The following MAP4 variants were observed in gnomAD, a reference collection of about 807,000 sequenced individuals.
MAP4 encodes the protein microtubule-associated protein 4.
MAP4 carries 76 observed loss-of-function variants against 170.2 expected under a neutral mutation model. The ratio of observed to expected loss-of-function variants is 0.45; its 90% CI spans 0.37 to 0.54. The LOEUF (loss-of-function observed/expected upper bound fraction) is 0.54, where lower values mean the gene tolerates loss of function less well. MAP4 is among the 20% of genes least tolerant of loss of function. MAP4 has a pLI of 0.00. For synonymous variants in MAP4, 909 were observed against 994.5 expected (o/e 0.91, Z 1.62); for missense variants, 2,506 against 2,748.0 (o/e 0.91, Z 1.97).
Position 47,910,272 on chromosome 3 carries a change from AT to A in MAP4, c.4148del (p.Asn1383IlefsTer3), listed in dbSNP as rs2100035331. Reference protein sequence around the residue: ...NSSPEKHILENKIDATKIHVP... With the variant: ...NSSPEKHILEXKIDATKIHVP... Reference sequence around the variant, plus strand: ...CATGTATTTTTGTTGCATCTATCTTATTCTCCAGAATGTGCTTCTCAGGAGA... The same window carrying A: ...CATGTATTTTTGTTGCATCTATCTTATCTCCAGAATGTGCTTCTCAGGAGA... On this transcript the variant is annotated frameshift_variant, in exon 9 of 21. Transcript: ENST00000683076. LOFTEE classifies it high-confidence loss of function. The A allele has an allele frequency of 6.2e-7, 1 of 1,602,460 alleles. No homozygotes were observed. The highest frequency in any genetic ancestry group is 8.5e-7 in the Non-Finnish European group (1 of 1,178,732).
rs746786280 is a variant in MAP4 at position 47,916,157 on chromosome 3, G to A, written c.1670C>T (p.Pro557Leu). 6.2e-7 allele frequency: 1 copy of A among 1,614,182 alleles called. No homozygotes were observed. Among genetic ancestry groups the A allele is most frequent in the African/African-American group, 1.3e-5 (1 of 75,046 alleles). The change falls in exon 7 of 21, where the codon CCC (proline) becomes CTC (leucine). Residue 557 changes from proline to leucine, a missense_variant. By Grantham distance (98) the Pro-to-Leu change is moderately conservative (BLOSUM62 -3). Coordinates refer to ENST00000683076, the MANE Select transcript of MAP4 (RefSeq NM_001385682.1). The part of the protein sequence containing the change: ...DQVPALKTEA[P>L]LAKDGVLTLA... ...GGTCAGAACCCCATCCTTAGCCAGG[G>A]GTGCTTCTGTTTTGAGGGCTGGGAC...
intron 10 of MAP4, among the ~76,000 whole-genome samples, chr3:47,897,085 G>A (rs1250222214): frequency 3.3e-5 from 5 of 152,126 alleles, no homozygotes; most frequent in Non-Finnish European, 1.5e-5. Context: ...CCAAACCGCT[G>A]AGCAAAAATT....
At position 47,951,639 on chromosome 3, in the gene MAP4, C is replaced by T. The variant is rs567434329; in HGVS notation, c.293-23289G>A. On this transcript the variant is annotated intron_variant, in intron 3 of 20. Transcript: ENST00000683076. Reference sequence around the variant, plus strand: ...GGTGCCGGGATTGCAGACGGAGTCTCGTTCACTCAGTGCTCAATGTTGCCC... The same window carrying T: ...GGTGCCGGGATTGCAGACGGAGTCTTGTTCACTCAGTGCTCAATGTTGCCC... Among the ~76,000 whole-genome samples the T allele has an allele frequency of 1.3e-4, 20 of 152,308 alleles. No homozygotes were observed. The East Asian group carries it at 2.1e-3, about 16-fold the overall frequency.
rs369792553 is a variant in MAP4 at position 47,921,892 on chromosome 3, G to C, written c.416-14C>G. 2 of 1,137,932 alleles carry C rather than the reference G, an allele frequency of 1.8e-6. No homozygotes were observed. Among genetic ancestry groups the C allele is most frequent in the Non-Finnish European group, 2.7e-6 (2 of 747,582 alleles). The allele number at this position is 1,137,932 out of a possible 1,614,324, so 70.5% of individuals were successfully genotyped here. A position where few individuals can be genotyped will look rare whatever the true frequency, so the allele number is the denominator to read the frequency against. The stretch of plus-strand genomic sequence containing the variant: ...TCTTAAAGGGATCTGGAATATAGAA[G>C]AAATCCAAAACTCATTCCTGGTGAA... On this transcript the variant is annotated splice_polypyrimidine_tract_variant and intron_variant, in intron 4 of 20. Coordinates refer to ENST00000683076, the MANE Select transcript of MAP4 (RefSeq NM_001385682.1).
At chr3:47,928,111 GGTT>G in intron 4 of MAP4, 114 bp downstream of exon 4, 3 of 1,239,222 alleles carry the variant, frequency 2.4e-6, no homozygotes, top group Non-Finnish European at 3.4e-6. Flanking sequence ...CCAATGCTAA[GGTT>G]GTACTTTGTG....
intron 3 of MAP4, chr3:47,974,914 G>C (rs1205062415): frequency 2.0e-6 from 2 of 984,974 alleles, no homozygotes; most frequent in Non-Finnish European, 2.4e-6. Flanking sequence ...AACATAGGTA[G>C]CCTGTAAGAT....
chr3:47,871,068 G>A lies in MAP4; in HGVS notation c.6039C>T (p.Ser2013=). 1.9e-6 allele frequency: 3 copies of A among 1,610,572 alleles called. No individual in the cohort carries two copies. Among genetic ancestry groups the A allele is most frequent in the Middle Eastern group, 3.3e-4 (2 of 6,048 alleles). The part of the protein sequence containing the change: ...LSRPKSTSTS[S]MKKTTTLSGT... ...CACTGAGAGTGGTGGTTTTCTTCAT[G>A]GAACTGGTGGAGGTGCTCTTTGGGC... is the stretch of plus-strand genomic sequence containing the variant. The change falls in exon 15 of 21, where the codon TCC becomes TCT. Residue 2013 remains serine, a synonymous_variant. Transcript: ENST00000683076.
intron 1 of MAP4, among the ~76,000 whole-genome samples, chr3:48,040,491 G>A (rs1469993715): frequency 2.8e-4 from 42 of 152,046 alleles, no homozygotes; most frequent in Admixed American, 2.7e-3. Flanking sequence ...GGACGGTCTC[G>A]ATCTCCTGAC....
At chr3:47,883,688 T>A (rs1180744305) in intron 10 of MAP4, among the ~76,000 whole-genome samples, 2 of 152,264 alleles carry the variant, frequency 1.3e-5, no homozygotes, top group Admixed American at 1.3e-4. Context: ...AAAAATGTCT[T>A]TTTTATTTAT....
At chr3:48,080,639 G>A (rs1019244874) in intron 1 of MAP4, among the ~76,000 whole-genome samples, 1 of 152,112 alleles carries the variant, frequency 6.6e-6, no homozygotes, top group Non-Finnish European at 1.5e-5. Flanking sequence ...TTGAGGCCAG[G>A]AATTCAAGAC....
intron 10 of MAP4, among the ~76,000 whole-genome samples, chr3:47,884,244 C>A (rs2097222283): frequency 1.3e-5 from 2 of 152,186 alleles, no homozygotes; most frequent in Non-Finnish European, 2.9e-5. Context: ...GTCACTGATT[C>A]TGTCCTCTGT....
intron 1 of MAP4, among the ~76,000 whole-genome samples, chr3:48,062,880 G>A (rs2100136567): frequency 2.0e-5 from 3 of 150,652 alleles, no homozygotes; most frequent in Non-Finnish European, 3.0e-5. Flanking sequence ...AGCCAAGATC[G>A]TGCCATTGCA....
At chr3:47,922,331 G>C (rs1449376607) in intron 4 of MAP4, among the ~76,000 whole-genome samples, 1 of 152,130 alleles carries the variant, frequency 6.6e-6, no homozygotes, top group Non-Finnish European at 1.5e-5. Flanking sequence ...GCACATGGTA[G>C]AGAATCAATA....
At chr3:47,875,235 T>C (rs1337759741) in intron 12 of MAP4, among the ~76,000 whole-genome samples, 2 of 152,196 alleles carry the variant, frequency 1.3e-5, no homozygotes, top group South Asian at 2.1e-4. Flanking sequence ...GACAAAGAAT[T>C]ACATTTGATG....
intron 4 of MAP4, 127 bp downstream of exon 4, chr3:47,928,101 C>T: frequency 2.7e-6 from 3 of 1,131,452 alleles, no homozygotes; most frequent in Non-Finnish European, 3.8e-6. Flanking sequence ...AAGGGACAAA[C>T]CAATGCTAAG....
rs200436355 is a variant in MAP4, at chr3:47,916,516, A to T, written c.1311T>A (p.Ala437=). The T allele has an allele frequency of 1.9e-6, 3 of 1,613,852 alleles. No individual in the cohort carries two copies. In the East Asian group the frequency reaches 6.7e-5, roughly 36 times the overall value. ...GGGCTACCTCTGTTTCTGAGGACAA[A>T]GCCACCTTCTCAGCAGAGGATATTT... ...STEISSAEKV[A]LSSETEVALA... is the part of the protein sequence containing the mutation. Residue 437 remains alanine, a synonymous_variant, in exon 7 of 21, where the codon GCT becomes GCA. Coordinates refer to ENST00000683076, the MANE Select transcript of MAP4 (RefSeq NM_001385682.1).
At chr3:47,953,949 G>A (rs2100066163) in intron 3 of MAP4, among the ~76,000 whole-genome samples, 1 of 151,898 alleles carries the variant, frequency 6.6e-6, no homozygotes, top group Non-Finnish European at 1.5e-5. Context: ...AGGAGGCAGA[G>A]GTTGCAGTTA....
upstream of MAP4, among the ~76,000 whole-genome samples, chr3:48,017,484 CTTTTT>C (rs555856378): frequency 1.4e-5 from 2 of 138,548 alleles, no homozygotes; most frequent in African/African-American, 5.3e-5. Flanking sequence ...TTTCTTTTTT[CTTTTT>C]TTTTTTTTTT....
In MAP4 at chr3:47,921,770, C is replaced by T; in HGVS notation, c.524G>A (p.Ser175Asn). The change falls in exon 5 of 21, where the codon AGT becomes AAT. Residue 175 changes from serine (S) to asparagine (N), a missense_variant. Around this residue, in one of 3 missense-constraint regions of MAP4, gnomAD observed 2,008 missense variants for 2,206.0 expected, o/e 0.91. Transcript: ENST00000683076. ...FAGQNDPLKD[S>N]YGMSPCNTAV... ...TCCATTTGAAGAAGCCATACCGTAACTGTCTTTCAAGGGATCATTTTGTCC... is the reference window on the plus strand; with the variant it reads ...TCCATTTGAAGAAGCCATACCGTAATTGTCTTTCAAGGGATCATTTTGTCC... 11 of 1,598,078 alleles carry T rather than the reference C, an allele frequency of 6.9e-6. No individual in the cohort carries two copies. The highest frequency in any genetic ancestry group is 1.7e-5 in the Admixed American group (1 of 59,912).
Sources: allele counts gnomAD v4.1 joint callset (sites outside exome capture counted in the v4.1 genomes callset), GRCh38; gene constraint gnomAD v4.1.1; regional missense constraint gnomAD v4.1.1; transcripts MANE v1.5; gene names NCBI Gene and HGNC (gene_info 2026-07-23, HGNC 2026-07-21).